Variants in HACD2 observed in about 807,000 individuals in gnomAD.
HACD2 encodes 3-hydroxyacyl-CoA dehydratase 2.
Under a neutral mutation model 31.0 loss-of-function variants are expected in HACD2, and 15 were observed. The ratio of observed to expected loss-of-function variants is 0.48; its 90% CI spans 0.32 to 0.75. The LOEUF is 0.75. HACD2 is among the 30% of genes least tolerant of loss of function. The probability of loss-of-function intolerance (pLI) is 0.03; values close to 1 mark genes in which losing one functional copy is unlikely to be tolerated. For missense variants in HACD2, 283 were observed against 313.0 expected (o/e 0.90, Z 0.72); for synonymous variants, 115 against 122.2 (o/e 0.94, Z 0.39).
chr3:123,584,892 T>C lies in HACD2; in HGVS notation c.136A>G (p.Asn46Asp). ...CCTCACCCGGCTGTCATCACCACATTGTAGATGACCAGGTACGCCGTGGCC... is the reference window on the plus strand; with the variant it reads ...CCTCACCCGGCTGTCATCACCACATCGTAGATGACCAGGTACGCCGTGGCC... The part of the protein sequence containing the change: ...PLATAYLVIY[N>D]VVMTAGWLVI... The change falls in exon 1 of 7, where the codon AAT (asparagine) becomes GAT (aspartate). Residue 46 changes from asparagine (N) to aspartate (D), a missense_variant. Asn to Asp is a conservative substitution (Grantham distance 23). Coordinates refer to ENST00000383657, the MANE Select transcript of HACD2 (RefSeq NM_198402.5). 1.3e-6 allele frequency: 2 copies of C among 1,523,108 alleles called. No individual in the cohort carries two copies. The highest frequency in any genetic ancestry group is 8.8e-7 in the Non-Finnish European group (1 of 1,135,360). The allele number at this position is 1,523,108 out of a possible 1,614,324, so 94.3% of individuals were successfully genotyped here.
chr3:123,525,962 G>A (rs1295606868), intron 4 of HACD2, among the ~76,000 whole-genome samples: 2 of 152,176 alleles, frequency 1.3e-5, no homozygotes, highest in Non-Finnish European at 2.9e-5. Flanking sequence ...AGAACAAATT[G>A]AACTATAGCT....
At position 123,494,375 on chromosome 3, in the gene HACD2, C is replaced by A. The variant is rs922780059; in HGVS notation, c.*513G>T. Reference sequence around the variant, plus strand: ...TTAGATGTGAGGGGATAGGTCCCAGCCATAACTTCAGAGCATTCCAGAGAA... The same window carrying A: ...TTAGATGTGAGGGGATAGGTCCCAGACATAACTTCAGAGCATTCCAGAGAA... On this transcript the variant is annotated 3_prime_UTR_variant, in exon 7 of 7. Coordinates refer to ENST00000383657, the MANE Select transcript of HACD2 (RefSeq NM_198402.5). 6.2e-6 allele frequency: 1 copy of A among 161,984 alleles called. No homozygotes were observed. Among genetic ancestry groups the A allele is most frequent in the Admixed American group, 6.5e-5 (1 of 15,402 alleles). The allele number at this position is 161,984 out of a possible 1,614,324, so 10.0% of individuals were successfully genotyped here.
Position 123,585,010 on chromosome 3 carries a change from C to A in HACD2, c.18G>T (p.Ala6=). ...CCCCATTCCCCTTCGCTGCTGCAGTCGCCGCCACTGCCGCCATGTCAAGTG... is the reference window on the plus strand; with the variant it reads ...CCCCATTCCCCTTCGCTGCTGCAGTAGCCGCCACTGCCGCCATGTCAAGTG... The part of the protein sequence containing the change: MAAVA[A]TAAAKGNGGG... Residue 6 remains alanine (A), a synonymous_variant, in exon 1 of 7, where the codon GCG becomes GCT. Transcript: ENST00000383657. 1 of 1,510,840 alleles carries A rather than the reference C, an allele frequency of 6.6e-7. No individual in the cohort carries two copies. The highest frequency in any genetic ancestry group is 1.2e-5 in the South Asian group (1 of 80,172). The allele number at this position is 1,510,840 out of a possible 1,614,324, so 93.6% of individuals were successfully genotyped here. A position where few individuals can be genotyped will look rare whatever the true frequency, so the allele number is the denominator to read the frequency against.
At chr3:123,518,995 T>TAAAAAAAAAAAA (rs67571643) in intron 4 of HACD2, among the ~76,000 whole-genome samples, 2 of 42,498 alleles carry the variant, frequency 4.7e-5, no homozygotes, top group Non-Finnish European at 9.7e-5. Flanking sequence ...AGACTCCAAC[T>TAAAAAAAAAAAA]AAAAAAAAAA....
rs543608062 is a variant in HACD2 at position 123,501,300 on chromosome 3, C to T, written c.504-607G>A. Among the ~76,000 whole-genome samples the T allele has an allele frequency of 3.9e-5, 6 of 152,312 alleles. No homozygotes were observed. In the South Asian group the frequency reaches 1.0e-3, roughly 26 times the overall value. The stretch of plus-strand genomic sequence containing the variant: ...CAAAACACCCCACAATTACAATTAT[C>T]GTCACATGGGAGGGGAATCTGCATA... On this transcript the variant is annotated intron_variant, in intron 5 of 6. Transcript: ENST00000383657.
chr3:123,530,872 T>C (rs1365172210), intron 3 of HACD2, among the ~76,000 whole-genome samples: 1 of 151,978 alleles, frequency 6.6e-6, no homozygotes, highest in Non-Finnish European at 1.5e-5. Flanking sequence ...TTTGTTGTTG[T>C]TGTTGTTGTT....
At chr3:123,556,373 G>A (rs902962961) in intron 3 of HACD2, among the ~76,000 whole-genome samples, 3 of 151,342 alleles carry the variant, frequency 2.0e-5, no homozygotes, top group African/African-American at 7.3e-5. Context: ...GCAGATCAAG[G>A]CTGCAGCGAG....
intron 6 of HACD2, 78 bp downstream of exon 6, chr3:123,500,437 A>G: frequency 1.1e-6 from 1 of 899,688 alleles, no homozygotes; most frequent in South Asian, 1.8e-5. Context: ...ATATAGTGCA[A>G]AGACAGTCAA....
intron 5 of HACD2, among the ~76,000 whole-genome samples, chr3:123,501,061 G>A (rs2055896242): frequency 6.6e-6 from 1 of 152,148 alleles, no homozygotes; most frequent in South Asian, 2.1e-4. Flanking sequence ...GTCTTGGGAT[G>A]GGGTTGGGGT....
chr3:123,492,634 A>G lies in HACD2; in HGVS notation c.*2254T>C, dbSNP rs943761036. ...GTTCTCATTGCCAAAGTTCAATTCAATGCAACACCACTGTTTGCAACAGAA... is the reference window on the plus strand; with the variant it reads ...GTTCTCATTGCCAAAGTTCAATTCAGTGCAACACCACTGTTTGCAACAGAA... On this transcript the variant is annotated 3_prime_UTR_variant, in exon 7 of 7. Transcript: ENST00000383657. The G allele has an allele frequency of 2.0e-5, 3 of 152,210 alleles. No individual in the cohort carries two copies. Among genetic ancestry groups the G allele is most frequent in the Non-Finnish European group, 2.9e-5 (2 of 68,028 alleles). The allele number at this position is 152,210 out of a possible 1,614,324, so 9.4% of individuals were successfully genotyped here. A position where few individuals can be genotyped will look rare whatever the true frequency, so the allele number is the denominator to read the frequency against.
intron 2 of HACD2, among the ~76,000 whole-genome samples, chr3:123,569,988 C>CAAAAAAAAAAAAAAAAAAAA (rs55844728): frequency 2.6e-5 from 1 of 38,714 alleles, no homozygotes; most frequent in African/African-American, 9.3e-5. Flanking sequence ...CACTCCATCT[C>CAAAAAAAAAAAAAAAAAAAA]AAAAAAAAAA....
At chr3:123,494,992 G>T in intron 6 of HACD2, 22 bp from the exon 7 acceptor site, 1 of 1,468,710 alleles carries the variant, frequency 6.8e-7, no homozygotes, top group Non-Finnish European at 9.3e-7. Context: ...AGAAAAATTG[G>T]TTAAGAGGAT....
chr3:123,584,264 A>T (rs188874826), intron 1 of HACD2: 57 of 152,354 alleles, frequency 3.7e-4, no homozygotes, highest in African/African-American at 1.3e-3. Flanking sequence ...TCGAGGGTCC[A>T]TTCTCCCCCT....
chr3:123,512,219 CTCTTT>C (rs1459329557), intron 4 of HACD2, among the ~76,000 whole-genome samples: 20 of 152,272 alleles, frequency 1.3e-4, no homozygotes, highest in South Asian at 2.1e-4. Flanking sequence ...AAGCTTGTTT[CTCTTT>C]TCTATCTCTG....
At chr3:123,569,988 C>CAAAAAAAAAAAAAAAAA (rs55844728) in intron 2 of HACD2, among the ~76,000 whole-genome samples, 2 of 38,658 alleles carry the variant, frequency 5.2e-5, no homozygotes, top group Non-Finnish European at 9.9e-5. Context: ...CACTCCATCT[C>CAAAAAAAAAAAAAAAAA]AAAAAAAAAA....
At chr3:123,520,384 T>G (rs1398718854) in intron 4 of HACD2, among the ~76,000 whole-genome samples, 1 of 152,244 alleles carries the variant, frequency 6.6e-6, no homozygotes, top group Non-Finnish European at 1.5e-5. Flanking sequence ...AATGTCATAC[T>G]GAATAGCCAG....
chr3:123,581,361 G>A (rs1435900570), intron 2 of HACD2, among the ~76,000 whole-genome samples: 1 of 152,144 alleles, frequency 6.6e-6, no homozygotes, highest in Non-Finnish European at 1.5e-5. Flanking sequence ...TTGGACAGAA[G>A]AATGGGCATG....
chr3:123,552,960 G>A (rs2056635587), intron 3 of HACD2, among the ~76,000 whole-genome samples: 1 of 152,178 alleles, frequency 6.6e-6, no homozygotes, highest in East Asian at 1.9e-4. Flanking sequence ...CAGTTGAAAG[G>A]GAAGGAGGCA....
intron 1 of HACD2, among the ~76,000 whole-genome samples, chr3:123,582,752 T>G (rs1576251696): frequency 6.6e-6 from 1 of 152,216 alleles, no homozygotes; most frequent in African/African-American, 2.4e-5. Flanking sequence ...GGAAAGAAGA[T>G]GCTTTAAACT....
Sources: allele counts gnomAD v4.1 joint callset (sites outside exome capture counted in the v4.1 genomes callset), GRCh38; gene constraint gnomAD v4.1.1; transcripts MANE v1.5; gene names NCBI Gene and HGNC (gene_info 2026-07-23, HGNC 2026-07-21).